Variants in NMBR observed in about 807,000 individuals in gnomAD.
NMBR encodes the protein neuromedin-B receptor.
A neutral mutation model predicts 20.5 loss-of-function variants in NMBR; 16 were observed. The ratio of observed to expected loss-of-function variants is 0.78; its 90% confidence interval spans 0.53 to 1.19. The LOEUF (loss-of-function observed/expected upper bound fraction) is 1.19, where lower values mean the gene tolerates loss of function less well. NMBR is among the 50% of genes most tolerant of loss of function. NMBR has a pLI of 0.00. For missense variants in NMBR, 582 were observed against 499.1 expected (o/e 1.17, Z -1.58); for synonymous variants, 212 against 196.6 (o/e 1.08, Z -0.65).
chr6:142,078,992 G>A (rs1777022519), intron 2 of NMBR, 89 bp from the exon 3 acceptor site: 3 of 842,860 alleles, frequency 3.6e-6, no homozygotes, highest in African/African-American at 1.8e-5. Flanking sequence ...AAGGAAGAAA[G>A]GGAGAGAGAG....
chr6:142,088,945 T>G lies in NMBR; in HGVS notation c.-287A>C. The G allele has an allele frequency of 9.0e-6, 3 of 334,684 alleles. No individual in the cohort carries two copies. The highest frequency in any genetic ancestry group is 1.1e-5 in the Non-Finnish European group (2 of 181,064). The allele number at this position is 334,684 out of a possible 1,614,324, so 20.7% of individuals were successfully genotyped here. The stretch of plus-strand genomic sequence containing the variant: ...AAAGCGGTTGCGTCTTTGTTCCGTA[T>G]TCAGTGGTTTGTTCTCGCGGTTATC... On this transcript the variant is annotated 5_prime_UTR_variant, in exon 2 of 4. Transcript: ENST00000258042.
At chr6:142,109,640 A>T (rs950057705) in intron 1 of NMBR, among the ~76,000 whole-genome samples, 5 of 152,104 alleles carry the variant, frequency 3.3e-5, no homozygotes, top group Non-Finnish European at 7.4e-5. Flanking sequence ...TCAAACTCAC[A>T]GTGAGTTACC....
intron 1 of NMBR, among the ~76,000 whole-genome samples, chr6:142,092,625 G>A (rs1021539099): frequency 1.5e-4 from 23 of 152,190 alleles, no homozygotes; most frequent in Admixed American, 1.2e-3. Flanking sequence ...ACAAAACAGT[G>A]ATCCCTAAGA....
At chr6:142,110,485 A>G (rs1777743188) in intron 1 of NMBR, among the ~76,000 whole-genome samples, 1 of 152,216 alleles carries the variant, frequency 6.6e-6, no homozygotes, top group South Asian at 2.1e-4. Flanking sequence ...TTGTATGATT[A>G]CATTTATATG....
chr6:142,101,751 C>A (rs913098373), intron 1 of NMBR, among the ~76,000 whole-genome samples: 1 of 152,092 alleles, frequency 6.6e-6, no homozygotes, highest in Non-Finnish European at 1.5e-5. Context: ...TATTTGGTCA[C>A]GTTCTCACTT....
At chr6:142,139,452 A>G (rs954592939) in intron 1 of NMBR, among the ~76,000 whole-genome samples, 3 of 152,198 alleles carry the variant, frequency 2.0e-5, no homozygotes, top group African/African-American at 7.2e-5. Flanking sequence ...ATATTTAAAG[A>G]TGTTGCACTG....
chr6:142,077,071 C>T (rs1225352195), intron 3 of NMBR, among the ~76,000 whole-genome samples: 1 of 152,168 alleles, frequency 6.6e-6, no homozygotes, highest in Admixed American at 6.5e-5. Context: ...TTAGGCAACC[C>T]AACAATCAAT....
intron 1 of NMBR, among the ~76,000 whole-genome samples, chr6:142,124,434 T>A (rs952642049): frequency 6.6e-6 from 1 of 151,904 alleles, no homozygotes; most frequent in Non-Finnish European, 1.5e-5. Context: ...CTATCTCATT[T>A]GGTCACAACT....
At chr6:142,104,821 C>G (rs1002016326) in intron 1 of NMBR, among the ~76,000 whole-genome samples, 2 of 152,156 alleles carry the variant, frequency 1.3e-5, no homozygotes, top group Non-Finnish European at 1.5e-5. Context: ...AAGAGACCAC[C>G]AAACAGGCTT....
chr6:142,126,297 T>C (rs913651014), intron 1 of NMBR, among the ~76,000 whole-genome samples: 1 of 151,620 alleles, frequency 6.6e-6, no homozygotes, highest in East Asian at 1.9e-4. Context: ...GATTTCTTTA[T>C]ACATTAATCT....
At position 142,121,796 on chromosome 6, in the gene NMBR, A is replaced by G. The variant is rs184892229; in HGVS notation, c.-664+25248T>C. 1.4e-4 allele frequency among the ~76,000 whole-genome samples: 22 copies of G among 151,866 alleles called. No homozygotes were observed. The East Asian group carries it at 4.1e-3, about 28-fold the overall frequency. ...ACCATGCACATTTACCTAACTATAT[A>G]CTTGTATTTAATTACGTGCTTACTT... On this transcript the variant is annotated intron_variant, in intron 1 of 3. Coordinates refer to ENST00000258042, the MANE Select transcript of NMBR (RefSeq NM_002511.4).
At chr6:142,125,736 A>G (rs1778022193) in intron 1 of NMBR, among the ~76,000 whole-genome samples, 2 of 151,898 alleles carry the variant, frequency 1.3e-5, no homozygotes, top group South Asian at 4.1e-4. Flanking sequence ...GGTATACCTA[A>G]CAAATAATTA....
At chr6:142,083,138 T>G (rs961090081) in intron 2 of NMBR, among the ~76,000 whole-genome samples, 3 of 152,194 alleles carry the variant, frequency 2.0e-5, no homozygotes, top group African/African-American at 7.2e-5. Context: ...AAACTAGAAG[T>G]GTTCAAGATC....
intron 1 of NMBR, among the ~76,000 whole-genome samples, chr6:142,137,072 T>C: frequency 6.6e-6 from 1 of 152,184 alleles, no homozygotes; most frequent in Middle Eastern, 3.2e-3. Flanking sequence ...ATTGAATCTA[T>C]AAATTACCTT....
chr6:142,124,208 T>C (rs575691186), intron 1 of NMBR, among the ~76,000 whole-genome samples: 1 of 152,030 alleles, frequency 6.6e-6, no homozygotes, highest in Middle Eastern at 3.4e-3. Flanking sequence ...ATGAGGAAAG[T>C]AGGCTTAGAC....
At chr6:142,084,120 T>C (rs576036772) in intron 2 of NMBR, among the ~76,000 whole-genome samples, 1 of 152,244 alleles carries the variant, frequency 6.6e-6, no homozygotes, top group Non-Finnish European at 1.5e-5. Context: ...TTAACAGCAC[T>C]CCCTCCCACC....
At chr6:142,099,241 T>C (rs1777514946) in intron 1 of NMBR, among the ~76,000 whole-genome samples, 1 of 152,176 alleles carries the variant, frequency 6.6e-6, no homozygotes, top group African/African-American at 2.4e-5. Context: ...CTAGATGAAC[T>C]TGTGTATTCG....
intron 1 of NMBR, among the ~76,000 whole-genome samples, chr6:142,112,212 C>T (rs1777778715): frequency 6.6e-6 from 1 of 152,020 alleles, no homozygotes; most frequent in African/African-American, 2.4e-5. Context: ...AAATAACCTG[C>T]TAGGTATTTT....
At chr6:142,086,976 T>C (rs1383258639) in intron 2 of NMBR, among the ~76,000 whole-genome samples, 1 of 152,204 alleles carries the variant, frequency 6.6e-6, no homozygotes, top group Non-Finnish European at 1.5e-5. Context: ...GCAGCTAAAC[T>C]AGTCATATTT....
Sources: gnomAD v4.1 joint callset for allele counts (sites outside exome capture counted in the v4.1 genomes callset) on GRCh38, gnomAD v4.1.1 for gene constraint, MANE v1.5 for transcripts, NCBI Gene and HGNC (gene_info 2026-07-23, HGNC 2026-07-21) for gene names.